Variants in ARHGAP22 observed in about 807,000 individuals in gnomAD.
The protein encoded by ARHGAP22 is Rho GTPase activating protein 22, also known as rho GTPase-activating protein 22.
Under a neutral mutation model 59.1 loss-of-function variants are expected in ARHGAP22, and 48 were observed. That is an observed-to-expected ratio of 0.81 (90% CI 0.64 to 1.03). ARHGAP22 has a LOEUF of 1.03. ARHGAP22 is among the 50% of genes least tolerant of loss of function. The probability of loss-of-function intolerance (pLI) is 0.00; values close to 1 mark genes in which losing one functional copy is unlikely to be tolerated. For synonymous variants in ARHGAP22, 445 were observed against 416.4 expected, an observed-to-expected ratio of 1.07 and a Z score of -0.84; for missense variants, 1,015 against 958.7, an observed-to-expected ratio of 1.06 and a Z score of -0.78.
At chr10:48,616,234 T>C (rs184569115) in intron 1 of ARHGAP22, among the ~76,000 whole-genome samples, 29 of 152,310 alleles carry the variant, frequency 1.9e-4, no homozygotes, top group Admixed American at 6.5e-4. Flanking sequence ...ATACATTTTA[T>C]GCTTAACGGA....
At position 48,446,101 on chromosome 10, in the gene ARHGAP22, C is replaced by T. The variant is rs2045330461; in HGVS notation, c.*290G>A. The stretch of plus-strand genomic sequence containing the variant: ...CGGTGGCTGCCTGGATCCTGGGCGC[C>T]CTCCATTTCTGTGGCCATGAAGGAT... On this transcript the variant is annotated 3_prime_UTR_variant, in exon 10 of 10. Coordinates refer to ENST00000249601, the MANE Select transcript of ARHGAP22 (RefSeq NM_021226.4). 1 of 442,488 alleles carries T rather than the reference C, an allele frequency of 2.3e-6. No individual in the cohort carries two copies. Among genetic ancestry groups the T allele is most frequent in the African/African-American group, 2.0e-5 (1 of 50,980 alleles). The allele number at this position is 442,488 out of a possible 1,614,324, so 27.4% of individuals were successfully genotyped here.
chr10:48,502,266 G>T (rs1328295258), intron 3 of ARHGAP22, among the ~76,000 whole-genome samples: 1 of 152,148 alleles, frequency 6.6e-6, no homozygotes, highest in African/African-American at 2.4e-5. Flanking sequence ...GTGTGATCTT[G>T]CCCTGGGCAG....
At chr10:48,493,396 CCTGGTCCTCACAGCCTGCCAGT>C (rs2050604431) in intron 3 of ARHGAP22, 5 of 1,514,212 alleles carry the variant, frequency 3.3e-6, no homozygotes, top group Non-Finnish European at 4.4e-6. Context: ...AGTCTCCCAG[CCTGGTCCTCACAGCCTGCCAGT>C]GACTCCAGCT....
intron 3 of ARHGAP22, among the ~76,000 whole-genome samples, chr10:48,531,986 C>G (rs1429194718): frequency 6.6e-6 from 1 of 152,168 alleles, no homozygotes; most frequent in Non-Finnish European, 1.5e-5. Context: ...CAGCCCTGGC[C>G]TCTGGTAGAG....
At chr10:48,535,458 C>T (rs2055253820) in intron 3 of ARHGAP22, among the ~76,000 whole-genome samples, 1 of 152,216 alleles carries the variant, frequency 6.6e-6, no homozygotes, top group Non-Finnish European at 1.5e-5. Context: ...GGGAGTTTCT[C>T]AAGGGATTTT....
chr10:48,499,062 C>T (rs773535878), intron 3 of ARHGAP22, among the ~76,000 whole-genome samples: 7 of 152,166 alleles, frequency 4.6e-5, no homozygotes, highest in Non-Finnish European at 2.9e-5. Context: ...GCAGCCACTC[C>T]GGCCAGCGAG....
intron 1 of ARHGAP22, among the ~76,000 whole-genome samples, chr10:48,621,639 C>T (rs1407592671): frequency 6.6e-6 from 1 of 152,160 alleles, no homozygotes; most frequent in Non-Finnish European, 1.5e-5. Flanking sequence ...CATGTTGGGG[C>T]ATGGAGTGGT....
At chr10:48,568,194 G>T (rs1299304911) in intron 2 of ARHGAP22, among the ~76,000 whole-genome samples, 1 of 152,198 alleles carries the variant, frequency 6.6e-6, no homozygotes, top group Admixed American at 6.5e-5. Flanking sequence ...GGCTCAAGCT[G>T]TGATGGCCGT....
At chr10:48,654,794 CT>C (rs1392187671), upstream of ARHGAP22, among the ~76,000 whole-genome samples, 47 of 121,034 alleles carry the variant, frequency 3.9e-4, no homozygotes, top group Admixed American at 1.7e-3. Context: ...TTCTTTCTTT[CT>C]TTCTTTCTTT....
chr10:48,573,445 A>G (rs1005722788), intron 2 of ARHGAP22, among the ~76,000 whole-genome samples: 11 of 152,184 alleles, frequency 7.2e-5, no homozygotes, highest in South Asian at 6.2e-4. Context: ...ATGACATGCT[A>G]AAATTTAGAC....
intron 1 of ARHGAP22, among the ~76,000 whole-genome samples, chr10:48,641,588 C>A (rs368199170): frequency 6.6e-6 from 1 of 152,078 alleles, no homozygotes; most frequent in Non-Finnish European, 1.5e-5. Context: ...ATTGATGGGA[C>A]GTATCTCAAA....
At chr10:48,453,993 C>A in intron 7 of ARHGAP22, 95 bp downstream of exon 7, 4 of 1,332,290 alleles carry the variant, frequency 3.0e-6, no homozygotes, top group Non-Finnish European at 4.3e-6. Context: ...CCCGGGCCCC[C>A]CTCTGACAAG....
the ARHGAP22 span, chr10:48,439,469 C>G: frequency 6.6e-6 from 1 of 151,648 alleles, no homozygotes; most frequent in Non-Finnish European, 1.5e-5. Context: ...GGGCCGGTTT[C>G]TTAGATTTGG....
chr10:48,605,888 G>C (rs1223780935), upstream of ARHGAP22, among the ~76,000 whole-genome samples: 1 of 152,120 alleles, frequency 6.6e-6, no homozygotes, highest in Non-Finnish European at 1.5e-5. Context: ...GAGCAGCAGG[G>C]CGGGCACCAG....
intron 3 of ARHGAP22, among the ~76,000 whole-genome samples, chr10:48,509,361 A>G (rs2052515918): frequency 6.6e-6 from 1 of 152,228 alleles, no homozygotes; most frequent in South Asian, 2.1e-4. Flanking sequence ...GGACACCTCC[A>G]GCAGAGGCCA....
At chr10:48,569,587 C>T (rs1215737909) in intron 2 of ARHGAP22, among the ~76,000 whole-genome samples, 2 of 152,198 alleles carry the variant, frequency 1.3e-5, no homozygotes, top group Non-Finnish European at 2.9e-5. Flanking sequence ...CAGTTTTCTA[C>T]GTATTACTGT....
intron 4 of ARHGAP22, among the ~76,000 whole-genome samples, chr10:48,462,988 C>T (rs1295712266): frequency 6.6e-6 from 1 of 152,246 alleles, no homozygotes; most frequent in African/African-American, 2.4e-5. Flanking sequence ...CAGTGGGCCA[C>T]ACAGGTCCAC....
intron 8 of ARHGAP22, among the ~76,000 whole-genome samples, chr10:48,452,267 C>A (rs1446645903): frequency 6.6e-6 from 1 of 152,130 alleles, no homozygotes; most frequent in Non-Finnish European, 1.5e-5. Flanking sequence ...GCTAGGAGGT[C>A]CCCCGGTAGG....
chr10:48,578,833 T>A (rs866974191), intron 2 of ARHGAP22, among the ~76,000 whole-genome samples: 1 of 152,172 alleles, frequency 6.6e-6, no homozygotes, highest in East Asian at 1.9e-4. Context: ...TCCCCTTTTT[T>A]CTTAGCATCT....
Sources: gnomAD v4.1 joint callset for allele counts (sites outside exome capture counted in the v4.1 genomes callset) on GRCh38, gnomAD v4.1.1 for gene constraint, MANE v1.5 for transcripts, NCBI Gene and HGNC (gene_info 2026-07-23, HGNC 2026-07-21) for gene names.